Variants in ZER1 observed in about 807,000 individuals in gnomAD.
ZER1 encodes the protein zyg-11 related cell cycle regulator.
In ZER1, 11 loss-of-function variants were observed where a neutral mutation model predicts 78.8. That is an observed-to-expected ratio of 0.14 (90% CI 0.09 to 0.23). The LOEUF (loss-of-function observed/expected upper bound fraction) is 0.23, where lower values mean the gene tolerates loss of function less well. Ranked by LOEUF, ZER1 falls within the 10% of genes least tolerant of loss-of-function variation. The probability of loss-of-function intolerance (pLI) is 1.00; values close to 1 mark genes in which losing one functional copy is unlikely to be tolerated. For missense variants in ZER1, 588 were observed against 996.9 expected (o/e 0.59, Z 5.52); for synonymous variants, 400 against 407.0 (o/e 0.98, Z 0.21).
chr9:128,745,780 TG>T (rs1226119727), intron 8 of ZER1: 1 of 152,158 alleles, frequency 6.6e-6, no homozygotes, highest in Admixed American at 6.6e-5. Context: ...GCTTCCAAGG[TG>T]GCTGGGATTT....
intron 15 of ZER1, 43 bp from the exon 16 acceptor site, chr9:128,731,437 T>TGGGGGTGGGGG: frequency 1.3e-5 from 6 of 451,560 alleles, no homozygotes; most frequent in East Asian, 4.9e-5. Flanking sequence ...TGGGCTTGGG[T>TGGGGGTGGGGG]GGGGGTGAGC....
intron 13 of ZER1, among the ~76,000 whole-genome samples, chr9:128,738,516 G>A (rs923215493): frequency 1.6e-4 from 24 of 146,502 alleles, no homozygotes; most frequent in African/African-American, 6.1e-4. Context: ...CTCCCGAGTA[G>A]CTGGGACTAC....
Position 128,754,642 on chromosome 9 carries a change from T to C in ZER1, c.159-683A>G, listed in dbSNP as rs1564404836. ...CTGTCCTCAGGCCCACACAGGCTTC[T>C]AGTTTCCTATGCAGCTGTCTAATAA... On this transcript the variant is annotated intron_variant, in intron 2 of 15. Coordinates refer to ENST00000291900, the MANE Select transcript of ZER1 (RefSeq NM_006336.4). The surrounding 1 kb of genome is among the most constrained non-coding windows in gnomAD (Gnocchi z 4.3). Among the ~76,000 whole-genome samples, 1 of 152,274 alleles carries C rather than the reference T, an allele frequency of 6.6e-6. No individual in the cohort carries two copies. Among genetic ancestry groups the C allele is most frequent in the Admixed American group, 6.5e-5 (1 of 15,280 alleles).
Position 128,753,626 on chromosome 9 carries a change from C to T in ZER1, c.310-26G>A, listed in dbSNP as rs1295814494. On this transcript the variant is annotated intron_variant, in intron 3 of 15. Coordinates refer to ENST00000291900, the MANE Select transcript of ZER1 (RefSeq NM_006336.4). The surrounding 1 kb of genome is among the most constrained non-coding windows in gnomAD (Gnocchi z 7.5). ...CTGGGAGTGGGCACAGCTCCATCAT[C>T]ATCACCACCCTTGCCCCTTCCCCCG... 1.6e-5 allele frequency: 25 copies of T among 1,606,962 alleles called. No homozygotes were observed. Among genetic ancestry groups the T allele is most frequent in the Middle Eastern group, 1.7e-4 (1 of 6,034 alleles).
chr9:128,734,259 C>T (rs549856681), intron 14 of ZER1, among the ~76,000 whole-genome samples: 11 of 140,834 alleles, frequency 7.8e-5, no homozygotes, highest in South Asian at 2.3e-4. Context: ...TGCAGTGGCA[C>T]GATCTGAGCT....
chr9:128,767,890 T>C (rs1864265369), intron 1 of ZER1, among the ~76,000 whole-genome samples: 1 of 152,160 alleles, frequency 6.6e-6, no homozygotes, highest in Non-Finnish European at 1.5e-5. Flanking sequence ...ACAGAGTATG[T>C]GAGTGGCTCA....
chr9:128,768,796 C>T (rs911570034), intron 1 of ZER1, among the ~76,000 whole-genome samples: 3 of 152,120 alleles, frequency 2.0e-5, no homozygotes, highest in Admixed American at 1.3e-4. Context: ...GGATCACCAG[C>T]CTCTACCCGT....
chr9:128,741,432 A>G (rs949001286), intron 11 of ZER1, 103 bp downstream of exon 11: 3 of 1,542,128 alleles, frequency 1.9e-6, no homozygotes, highest in South Asian at 1.1e-5. Flanking sequence ...TCCAGGAAGC[A>G]TGGGTGAGGG....
chr9:128,763,507 G>A (rs1226342728), intron 1 of ZER1, among the ~76,000 whole-genome samples: 1 of 152,210 alleles, frequency 6.6e-6, no homozygotes, highest in African/African-American at 2.4e-5. Flanking sequence ...CTTGGTGAGC[G>A]AGCCGGACAA....
chr9:128,753,996 C>T lies in ZER1; in HGVS notation c.159-37G>A, dbSNP rs773638524. On this transcript the variant is annotated intron_variant, in intron 2 of 15. Coordinates refer to ENST00000291900, the MANE Select transcript of ZER1 (RefSeq NM_006336.4). The surrounding 1 kb of genome is among the most constrained non-coding windows in gnomAD (Gnocchi z 7.5). ...AAAAGCCTGGCTCAGGAGAGGGCCA[C>T]AGGGACTCTCATCCTCGCTTCAAAG... 2.6e-6 allele frequency: 4 copies of T among 1,559,132 alleles called. No homozygotes were observed. The highest frequency in any genetic ancestry group is 1.7e-4 in the Middle Eastern group (1 of 5,994).
chr9:128,757,355 CA>C (rs973250601), intron 1 of ZER1, among the ~76,000 whole-genome samples: 1 of 151,738 alleles, frequency 6.6e-6, no homozygotes, highest in Non-Finnish European at 1.5e-5. Flanking sequence ...CCTGTCTCTA[CA>C]AAAAATACAA....
intron 13 of ZER1, among the ~76,000 whole-genome samples, chr9:128,736,360 A>G (rs138595554): frequency 1.3e-5 from 2 of 151,348 alleles, no homozygotes; most frequent in South Asian, 2.1e-4. Context: ...TGCTGGGATT[A>G]TAGGCGTGAA....
At chr9:128,743,222 A>T (rs1168995396) in intron 8 of ZER1, among the ~76,000 whole-genome samples, 1 of 151,744 alleles carries the variant, frequency 6.6e-6, no homozygotes, top group African/African-American at 2.4e-5. Context: ...GGTTCAAACA[A>T]TTCTCCTGCC....
In ZER1 at chr9:128,754,985, A is replaced by G. The variant is rs1368564175; in HGVS notation, c.158+423T>C. On this transcript the variant is annotated intron_variant, in intron 2 of 15. Transcript: ENST00000291900. This position sits in a 1 kb window ranked among gnomAD's most constrained non-coding sequence, Gnocchi z 4.3. Reference sequence around the variant, plus strand: ...TATTCTGGCACCGGCATGTACATGCATATGTGGCCATGCTCACTGAATTCA... The same window carrying G: ...TATTCTGGCACCGGCATGTACATGCGTATGTGGCCATGCTCACTGAATTCA... Among the ~76,000 whole-genome samples, 2 of 152,244 alleles carry G rather than the reference A, an allele frequency of 1.3e-5. No homozygotes were observed. Among genetic ancestry groups the G allele is most frequent in the African/African-American group, 2.4e-5 (1 of 41,462 alleles).
At chr9:128,765,829 C>T (rs139849486) in intron 1 of ZER1, among the ~76,000 whole-genome samples, 3,771 of 152,220 alleles carry the variant, frequency 0.025, 68 homozygotes, top group Middle Eastern at 0.075. Flanking sequence ...CCAGACGCCA[C>T]CTGGCTCTGA....
At chr9:128,767,368 C>T (rs1163676743) in intron 1 of ZER1, among the ~76,000 whole-genome samples, 1 of 152,108 alleles carries the variant, frequency 6.6e-6, no homozygotes, top group Non-Finnish European at 1.5e-5. Flanking sequence ...ACCTCAGCCT[C>T]TGGAGTAGCT....
chr9:128,766,267 T>G (rs1044180228), intron 1 of ZER1, among the ~76,000 whole-genome samples: 1 of 149,230 alleles, frequency 6.7e-6, no homozygotes, highest in African/African-American at 2.5e-5. Context: ...GAGAATTGCT[T>G]GAACCCGGGA....
At position 128,731,002 on chromosome 9, in the gene ZER1, G is replaced by T. The variant is rs1862796632; in HGVS notation, c.*335C>A. On this transcript the variant is annotated 3_prime_UTR_variant, in exon 16 of 16. Transcript: ENST00000291900. ...ACACTCACAGCGTTATAGGCATTTA[G>T]TCTGGTTGGGGTAGGAGTGTGTGTG... The T allele has an allele frequency of 6.4e-6, 1 of 155,276 alleles. No individual in the cohort carries two copies. The highest frequency in any genetic ancestry group is 2.4e-5 in the African/African-American group (1 of 41,500). 9.6% of individuals were successfully genotyped at this position (155,276 alleles called of 1,614,324 possible).
chr9:128,742,094 C>T (rs537296426), intron 9 of ZER1, among the ~76,000 whole-genome samples: 124 of 152,348 alleles, frequency 8.1e-4, no homozygotes, highest in African/African-American at 2.7e-3. Context: ...CAGCCCTTCC[C>T]GCTGGGGCTT....
Sources: gnomAD v4.1 joint callset for allele counts (sites outside exome capture counted in the v4.1 genomes callset) on GRCh38, gnomAD v4.1.1 for gene constraint, Gnocchi (gnomAD v3.1) non-coding constraint, MANE v1.5 for transcripts, NCBI Gene and HGNC (gene_info 2026-07-23, HGNC 2026-07-21) for gene names.